The following ALCAM variants were observed in gnomAD, a reference collection of about 807,000 sequenced individuals.
ALCAM encodes the protein activated leukocyte cell adhesion molecule.
Under a neutral mutation model 70.9 loss-of-function variants are expected in ALCAM, and 30 were observed. That is an observed-to-expected ratio of 0.42 (90% CI 0.32 to 0.57). The LOEUF (loss-of-function observed/expected upper bound fraction) is 0.57. Ranked by LOEUF, ALCAM falls within the 20% of genes least tolerant of loss-of-function variation. The probability of loss-of-function intolerance (pLI) is 0.11; values close to 1 mark genes in which losing one functional copy is unlikely to be tolerated. For missense variants in ALCAM, 591 were observed against 695.1 expected, an observed-to-expected ratio of 0.85 and a Z score of 1.68; for synonymous variants, 249 against 242.5, an observed-to-expected ratio of 1.03 and a Z score of -0.25.
intron 14 of ALCAM, among the ~76,000 whole-genome samples, chr3:105,570,648 A>G (rs1245010431): frequency 6.6e-6 from 1 of 152,226 alleles, no homozygotes; most frequent in Middle Eastern, 3.2e-3. Context: ...CCGGTAAAAT[A>G]AATAAATACA....
intron 1 of ALCAM, among the ~76,000 whole-genome samples, chr3:105,434,760 A>C (rs953685747): frequency 1.3e-5 from 2 of 152,108 alleles, no homozygotes; most frequent in South Asian, 4.1e-4. Flanking sequence ...GGGTAAGTTT[A>C]TATTGGAATT....
intron 1 of ALCAM, among the ~76,000 whole-genome samples, chr3:105,441,386 C>T (rs1009400337): frequency 2.0e-5 from 3 of 152,104 alleles, no homozygotes; most frequent in Non-Finnish European, 4.4e-5. Flanking sequence ...AGTTTCTGCT[C>T]CCAGTTTTAT....
At chr3:105,387,920 G>A (rs575795821) in intron 1 of ALCAM, among the ~76,000 whole-genome samples, 1 of 151,554 alleles carries the variant, frequency 6.6e-6, no homozygotes, top group Non-Finnish European at 1.5e-5. Context: ...AATAATATTT[G>A]CATTATCTCT....
intron 14 of ALCAM, among the ~76,000 whole-genome samples, chr3:105,565,369 A>T (rs143557344): frequency 6.6e-6 from 1 of 152,262 alleles, no homozygotes; most frequent in East Asian, 1.9e-4. Flanking sequence ...CTATGTCTAT[A>T]ACTTAATTGT....
In ALCAM at chr3:105,389,043, A is replaced by G. The variant is rs1229855368; in HGVS notation, c.73+21562A>G. Among the ~76,000 whole-genome samples, 6 of 151,736 alleles carry G rather than the reference A, an allele frequency of 4.0e-5. 1 individual carries two copies. In the East Asian group the frequency reaches 9.7e-4, roughly 25 times the overall value. ...AATTCTTTGTTGAATGAACAAAGTG[A>G]GATAATTTTTGGAAAATGATGAGCA... On this transcript the variant is annotated intron_variant, in intron 1 of 15. Transcript: ENST00000306107.
At chr3:105,370,305 A>AT (rs1021962316) in intron 1 of ALCAM, among the ~76,000 whole-genome samples, 1 of 152,164 alleles carries the variant, frequency 6.6e-6, no homozygotes, top group African/African-American at 2.4e-5. Flanking sequence ...ATATATATAT[A>AT]TTTTTTCCTT....
At chr3:105,427,373 C>T (rs1368085335) in intron 1 of ALCAM, among the ~76,000 whole-genome samples, 1 of 151,872 alleles carries the variant, frequency 6.6e-6, no homozygotes, top group African/African-American at 2.4e-5. Flanking sequence ...AGAAGAACAG[C>T]TGAAAAGCAG....
At chr3:105,367,852 C>G (rs944659410) in intron 1 of ALCAM, among the ~76,000 whole-genome samples, 1 of 152,138 alleles carries the variant, frequency 6.6e-6, no homozygotes, top group South Asian at 2.1e-4. Flanking sequence ...CACTGCGCCC[C>G]GAGCAGTTTT....
chr3:105,454,864 G>A (rs9858142), intron 1 of ALCAM, among the ~76,000 whole-genome samples: 1 of 151,296 alleles, frequency 6.6e-6, no homozygotes, highest in Non-Finnish European at 1.5e-5. Context: ...ATTTTTAGTA[G>A]AGACGGAGTT....
intron 1 of ALCAM, among the ~76,000 whole-genome samples, chr3:105,368,091 G>T (rs554230631): frequency 6.6e-6 from 1 of 151,858 alleles, no homozygotes; most frequent in African/African-American, 2.4e-5. Flanking sequence ...GAGTGAAAGG[G>T]TGACCGCAGG....
chr3:105,566,357 G>A (rs1259323976), intron 14 of ALCAM, among the ~76,000 whole-genome samples: 1 of 152,124 alleles, frequency 6.6e-6, no homozygotes, highest in African/African-American at 2.4e-5. Context: ...AGTTCTGTCA[G>A]TTTTTACTTT....
intron 1 of ALCAM, among the ~76,000 whole-genome samples, chr3:105,457,267 A>G (rs1273755087): frequency 2.0e-5 from 3 of 152,118 alleles, no homozygotes; most frequent in Non-Finnish European, 2.9e-5. Context: ...TCCATGGTGT[A>G]TATGTACTAC....
chr3:105,467,160 T>A (rs551088768), intron 1 of ALCAM, among the ~76,000 whole-genome samples: 44 of 151,448 alleles, frequency 2.9e-4, no homozygotes, highest in Non-Finnish European at 5.5e-4. Context: ...TAGGCTAGTA[T>A]GAAAAGTGCC....
intron 1 of ALCAM, among the ~76,000 whole-genome samples, chr3:105,373,965 A>C (rs1429981147): frequency 6.6e-6 from 1 of 152,236 alleles, no homozygotes; most frequent in Admixed American, 6.5e-5. Flanking sequence ...ACAGAGTGGG[A>C]CAGGCTATCA....
rs145899181 is a variant in ALCAM at position 105,431,797 on chromosome 3, G to T, written c.73+64316G>T. ...ATGAATTATGACAGTGAGTGGAAGT[G>T]CAGCATTATCATTAACTATGTCATA... On this transcript the variant is annotated intron_variant, in intron 1 of 15. Transcript: ENST00000306107. 2.2e-3 allele frequency among the ~76,000 whole-genome samples: 338 copies of T among 152,232 alleles called. 3 individuals carry two copies. The highest frequency in any genetic ancestry group is 7.9e-3 in the African/African-American group (329 of 41,540).
At chr3:105,525,399 G>T (rs968846194) in intron 3 of ALCAM, 1 of 962,256 alleles carries the variant, frequency 1.0e-6, no homozygotes, top group South Asian at 4.8e-5. Flanking sequence ...AAAAAGTCCC[G>T]CCTCTATTAC....
intron 1 of ALCAM, among the ~76,000 whole-genome samples, chr3:105,412,311 A>G (rs1409434550): frequency 6.6e-6 from 1 of 152,122 alleles, no homozygotes; most frequent in East Asian, 1.9e-4. Context: ...GTCAAAAAGA[A>G]TTAGAAACAA....
At chr3:105,573,863 A>G (rs528088483) in intron 15 of ALCAM, among the ~76,000 whole-genome samples, 3 of 152,272 alleles carry the variant, frequency 2.0e-5, no homozygotes, top group Admixed American at 6.5e-5. Context: ...GAAAATACTG[A>G]ATTTAAAAGG....
At chr3:105,544,999 T>C (rs1043261827) in intron 8 of ALCAM, 1 of 447,268 alleles carries the variant, frequency 2.2e-6, no homozygotes. Context: ...AATAAATGGA[T>C]AATCAATTAG....
Sources: gnomAD v4.1 joint callset for allele counts (sites outside exome capture counted in the v4.1 genomes callset) on GRCh38, gnomAD v4.1.1 for gene constraint, MANE v1.5 for transcripts, NCBI Gene and HGNC (gene_info 2026-07-23, HGNC 2026-07-21) for gene names.